Variants in KDR observed in about 807,000 individuals in gnomAD.
KDR encodes the protein vascular endothelial growth factor receptor 2.
KDR carries 43 observed loss-of-function variants against 160.9 expected under a neutral mutation model. The ratio of observed to expected loss-of-function variants is 0.27; its 90% CI spans 0.21 to 0.34. The LOEUF (loss-of-function observed/expected upper bound fraction) is 0.34. KDR is among the 10% of genes least tolerant of loss of function. The pLI, the probability that KDR is intolerant of heterozygous loss-of-function variation, is 1.00. For synonymous variants in KDR, 617 were observed against 600.1 expected (o/e 1.03, Z -0.41); for missense variants, 1,469 against 1,666.4 (o/e 0.88, Z 2.06).
intron 1 of KDR, among the ~76,000 whole-genome samples, chr4:55,121,776 T>A (rs77317629): frequency 0.12 from 18,187 of 152,160 alleles, 1,395 homozygotes; most frequent in South Asian, 0.25. Context: ...GGAGAGAAAC[T>A]GAGGAAGAGA....
chr4:55,123,649 C>T (rs1319071688), intron 1 of KDR, among the ~76,000 whole-genome samples: 1 of 152,178 alleles, frequency 6.6e-6, no homozygotes, highest in Non-Finnish European at 1.5e-5. Flanking sequence ...TTTTCATTGG[C>T]AAGCTTGAGC....
rs141148696 is a variant in KDR at position 55,106,829 on chromosome 4, A to T, written c.1413-19T>A. 5 of 1,593,768 alleles carry T rather than the reference A, an allele frequency of 3.1e-6. No individual in the cohort carries two copies. The African/African-American group carries it at 6.7e-5, about 21-fold the overall frequency. Reference sequence around the variant, plus strand: ...AGCTTGGCTATAAGAAAGAGATAACAGCGCATATTATGATTTAATTTTTCT... The same window carrying T: ...AGCTTGGCTATAAGAAAGAGATAACTGCGCATATTATGATTTAATTTTTCT... On this transcript the variant is annotated intron_variant, in intron 10 of 29. Coordinates refer to ENST00000263923, the MANE Select transcript of KDR (RefSeq NM_002253.4).
At chr4:55,082,344 C>T (rs1719755666) in intron 28 of KDR, among the ~76,000 whole-genome samples, 192 bp downstream of exon 28, 1 of 152,186 alleles carries the variant, frequency 6.6e-6, no homozygotes, top group Non-Finnish European at 1.5e-5. Context: ...GCTACACTGT[C>T]TTGAACCTTG....
chr4:55,102,606 G>T, intron 13 of KDR, 98 bp from the exon 14 acceptor site: 1 of 1,313,760 alleles, frequency 7.6e-7, no homozygotes, highest in Non-Finnish European at 1.1e-6. Flanking sequence ...TTAGTAAAAA[G>T]GAACTTGTTG....
chr4:55,083,702 C>T (rs1324643624), intron 27 of KDR, among the ~76,000 whole-genome samples: 1 of 151,970 alleles, frequency 6.6e-6, no homozygotes, highest in Middle Eastern at 3.2e-3. Context: ...AGCCTACTTC[C>T]CACTACAAGC....
At chr4:55,114,590 G>A (rs911048591) in intron 5 of KDR, among the ~76,000 whole-genome samples, 17 of 152,196 alleles carry the variant, frequency 1.1e-4, no homozygotes, top group African/African-American at 3.9e-4. Context: ...TTGATAGCAA[G>A]CAATGCTCTG....
At chr4:55,120,766 A>T (rs1560525257) in intron 2 of KDR, among the ~76,000 whole-genome samples, 1 of 151,960 alleles carries the variant, frequency 6.6e-6, no homozygotes, top group Non-Finnish European at 1.5e-5. Flanking sequence ...TCATTTATTC[A>T]TTCATATTTA....
rs375076833 is a variant in KDR at position 55,107,896 on chromosome 4, G to A, written c.1256-3C>T. ...TTTCTCACCAATCTGGGGTGGGACT[G>A]AAGATGGGAAAAACAACTTTTGAAT... is the stretch of plus-strand genomic sequence containing the variant. On this transcript the variant is annotated splice_polypyrimidine_tract_variant and splice_region_variant and intron_variant, in intron 9 of 29. Transcript: ENST00000263923. 5 of 1,613,772 alleles carry A rather than the reference G, an allele frequency of 3.1e-6. No individual in the cohort carries two copies. The African/African-American group carries it at 6.7e-5, about 22-fold the overall frequency.
intron 29 of KDR, among the ~76,000 whole-genome samples, chr4:55,081,561 T>G (rs1489627921): frequency 6.6e-6 from 1 of 152,196 alleles, no homozygotes; most frequent in East Asian, 1.9e-4. Flanking sequence ...TTATATATCA[T>G]ACTTCTTAAG....
At chr4:55,095,236 T>C (rs1031168948) in intron 20 of KDR, among the ~76,000 whole-genome samples, 4 of 152,092 alleles carry the variant, frequency 2.6e-5, no homozygotes, top group South Asian at 2.1e-4. Flanking sequence ...ATTAGGATGC[T>C]CTTCACAGAG....
At position 55,094,913 on chromosome 4, in the gene KDR, C is replaced by T. The variant is rs757083292; in HGVS notation, c.2860G>A (p.Ala954Thr). Residue 954 changes from alanine (A) to threonine (T), a missense_variant, in exon 21 of 30, where the codon GCA (alanine) becomes ACA (threonine). Coordinates refer to ENST00000263923, the MANE Select transcript of KDR (RefSeq NM_002253.4). ...CGCCGTTTCAGATCCACAGGGATTG[C>T]TCCAACGTAGTCTTTCCCTTGACGG... Reference protein sequence around the residue: ...RFRQGKDYVGAIPVDLKRRLD... With the variant: ...RFRQGKDYVGTIPVDLKRRLD... The T allele has an allele frequency of 5.6e-6, 9 of 1,613,868 alleles. No individual in the cohort carries two copies. Among genetic ancestry groups the T allele is most frequent in the Non-Finnish European group, 5.1e-6 (6 of 1,179,898 alleles).
At chr4:55,080,959 T>C (rs1353313246) in intron 29 of KDR, among the ~76,000 whole-genome samples, 3 of 152,240 alleles carry the variant, frequency 2.0e-5, no homozygotes, top group Non-Finnish European at 4.4e-5. Flanking sequence ...ATACATAGTT[T>C]AAAAGTTACT....
chr4:55,098,191 G>A lies in KDR; in HGVS notation c.2455C>T (p.Arg819Ter), dbSNP rs2110017590. ...DELPLDEHCE[R>*]LPYDASKWEF... ...CATTTGCTGGCATCATAAGGCAGTC[G>A]TTCACAATGTTCATCCAATGGGAGT... Residue 819 changes from arginine to a stop codon, truncating the protein, a stop_gained, in exon 17 of 30, where the codon CGA becomes TGA. Transcript: ENST00000263923. LOFTEE classifies it high-confidence loss of function. 1.9e-6 allele frequency: 3 copies of A among 1,613,898 alleles called. No homozygotes were observed. The highest frequency in any genetic ancestry group is 1.3e-5 in the African/African-American group (1 of 75,004).
At chr4:55,096,029 C>T (rs949191578) in intron 19 of KDR, among the ~76,000 whole-genome samples, 200 bp downstream of exon 19, 1 of 152,186 alleles carries the variant, frequency 6.6e-6, no homozygotes, top group Non-Finnish European at 1.5e-5. Context: ...AGTAGCATGA[C>T]ATTTCTTAAT....
At chr4:55,102,256 C>A (rs1310204429) in intron 14 of KDR, 106 bp downstream of exon 14, 1 of 1,398,886 alleles carries the variant, frequency 7.1e-7, no homozygotes, top group Non-Finnish European at 1.0e-6. Flanking sequence ...GTCATGGACA[C>A]CAATACTGCT....
rs1285257785 is a variant in KDR at position 55,098,209 on chromosome 4, A to G, written c.2437T>C (p.Leu813=). The part of the protein sequence containing the change: ...SIVMDPDELP[L]DEHCERLPYD... ...GGCAGTCGTTCACAATGTTCATCCA[A>G]TGGGAGTTCATCTGGATCCATGACG... Residue 813 remains leucine (L), a synonymous_variant, in exon 17 of 30, where the codon TTG becomes CTG. Coordinates refer to ENST00000263923, the MANE Select transcript of KDR (RefSeq NM_002253.4). 2 of 1,613,894 alleles carry G rather than the reference A, an allele frequency of 1.2e-6. No homozygotes were observed. The highest frequency in any genetic ancestry group is 1.3e-5 in the African/African-American group (1 of 75,032).
In KDR at chr4:55,098,755, G is replaced by A. The variant is rs199982402; in HGVS notation, c.2315C>T (p.Ala772Val). 46 of 1,613,126 alleles carry A rather than the reference G, an allele frequency of 2.9e-5. No individual in the cohort carries two copies. The highest frequency in any genetic ancestry group is 1.6e-4 in the Middle Eastern group (1 of 6,078). The change falls in exon 16 of 30, where the codon GCG becomes GTG. Residue 772 changes from alanine to valine, a missense_variant. Transcript: ENST00000263923. ...TAGCCAGAAGAACATGGCAATCACC[G>A]CCGTGCCTACTAGAATAATGATTTC... ...NLEIIILVGT[A>V]VIAMFFWLLL...
chr4:55,083,284 T>C (rs753238225), intron 27 of KDR, among the ~76,000 whole-genome samples: 6 of 152,156 alleles, frequency 3.9e-5, no homozygotes, highest in Non-Finnish European at 7.3e-5. Flanking sequence ...TTTCAGAGTC[T>C]ACCACTGACT....
chr4:55,114,871 T>C lies in KDR; in HGVS notation c.658+3A>G. Reference sequence around the variant, plus strand: ...ATGATATGGAAAGGAAATGTCCTCTTACCTACAACGACAACTATGTACATA... The same window carrying C: ...ATGATATGGAAAGGAAATGTCCTCTCACCTACAACGACAACTATGTACATA... On this transcript the variant is annotated splice_donor_region_variant and intron_variant, in intron 5 of 29. Coordinates refer to ENST00000263923, the MANE Select transcript of KDR (RefSeq NM_002253.4). 1 of 1,611,020 alleles carries C rather than the reference T, an allele frequency of 6.2e-7. No homozygotes were observed. Among genetic ancestry groups the C allele is most frequent in the Non-Finnish European group, 8.5e-7 (1 of 1,177,282 alleles).
Sources: allele counts gnomAD v4.1 joint callset (sites outside exome capture counted in the v4.1 genomes callset), GRCh38; gene constraint gnomAD v4.1.1; transcripts MANE v1.5; gene names NCBI Gene and HGNC (gene_info 2026-07-23, HGNC 2026-07-21).